EYS: variants seen among roughly 807,000 people sequenced by gnomAD.
The protein encoded by EYS is EGF-like photoreceptor maintenance factor, also known as protein eyes shut homolog.
EYS carries 250 observed loss-of-function variants against 282.1 expected under a neutral mutation model. The observed-to-expected ratio is 0.89, with a 90% CI of 0.80 to 0.98. The LOEUF (loss-of-function observed/expected upper bound fraction) is 0.98. Among genes scored for constraint, EYS ranks in the 50% least tolerant of loss-of-function variants. The pLI, the probability that EYS is intolerant of heterozygous loss-of-function variation, is 0.00. For synonymous variants in EYS, 1,355 were observed against 1,282.9 expected (o/e 1.06, Z -1.20); for missense variants, 4,016 against 3,709.0 (o/e 1.08, Z -2.15).
At chr6:63,968,957 A>G (rs1473104535) in intron 35 of EYS, among the ~76,000 whole-genome samples, 1 of 152,230 alleles carries the variant, frequency 6.6e-6, no homozygotes, top group Non-Finnish European at 1.5e-5. Flanking sequence ...GTTATATAGA[A>G]GTAATATGTA....
At chr6:63,751,618 TAACTAGGTACACACCTAGTTAC>T in intron 41 of EYS, among the ~76,000 whole-genome samples, 3 of 152,218 alleles carry the variant, frequency 2.0e-5, no homozygotes, top group African/African-American at 7.2e-5. Flanking sequence ...AATTTTAAAT[TAACTAGGTACACACCTAGTTAC>T]TGTAGCAAAA....
At chr6:63,770,334 T>C (rs772883764) in intron 40 of EYS, among the ~76,000 whole-genome samples, 9 of 152,062 alleles carry the variant, frequency 5.9e-5, no homozygotes, top group South Asian at 4.1e-4. Flanking sequence ...CTTATGTATA[T>C]GTTGAGGCTG....
chr6:65,543,903 G>C (rs1279150473), intron 2 of EYS, among the ~76,000 whole-genome samples: 2 of 152,150 alleles, frequency 1.3e-5, no homozygotes, highest in African/African-American at 4.8e-5. Flanking sequence ...AAGGGTATGA[G>C]GGAGCATAGT....
intron 12 of EYS, among the ~76,000 whole-genome samples, chr6:65,069,216 T>A (rs1256758220): frequency 6.6e-6 from 1 of 152,062 alleles, no homozygotes. Context: ...CTGTCTTCTT[T>A]GATCGGCATT....
At chr6:65,147,287 T>C (rs893264995) in intron 12 of EYS, among the ~76,000 whole-genome samples, 1 of 152,000 alleles carries the variant, frequency 6.6e-6, no homozygotes, top group African/African-American at 2.4e-5. Context: ...TGATTAAATA[T>C]GCACACACAT....
intron 12 of EYS, among the ~76,000 whole-genome samples, chr6:65,223,804 T>A (rs1269630973): frequency 6.6e-6 from 1 of 152,156 alleles, no homozygotes; most frequent in African/African-American, 2.4e-5. Context: ...ATTGGCAGGC[T>A]GCTTTTCAGG....
chr6:65,446,628 G>C (rs1251901156), intron 5 of EYS, among the ~76,000 whole-genome samples: 1 of 151,770 alleles, frequency 6.6e-6, no homozygotes, highest in African/African-American at 2.4e-5. Flanking sequence ...AGCTGAAAAA[G>C]CCAGAGGGAA....
At chr6:64,415,247 T>C (rs1333999208) in intron 28 of EYS, among the ~76,000 whole-genome samples, 2 of 152,218 alleles carry the variant, frequency 1.3e-5, no homozygotes, top group Non-Finnish European at 2.9e-5. Context: ...CAGGTGTTTT[T>C]CATGTAACTA....
chr6:64,531,981 G>T (rs1764357488), intron 26 of EYS, among the ~76,000 whole-genome samples: 2 of 152,070 alleles, frequency 1.3e-5, no homozygotes, highest in African/African-American at 2.4e-5. Flanking sequence ...TCTCAAATAG[G>T]TGGACATAAA....
Position 64,590,460 on chromosome 6 carries a change from A to G in EYS, c.5407T>C (p.Ser1803Pro). The G allele has an allele frequency of 6.4e-7, 1 of 1,551,422 alleles. No homozygotes were observed. Among genetic ancestry groups the G allele is most frequent in the Non-Finnish European group, 8.7e-7 (1 of 1,146,796 alleles). Residue 1803 changes from serine (S) to proline (P), a missense_variant, in exon 26 of 43, where the codon TCA becomes CCA. Transcript: ENST00000503581. Reference protein sequence around the residue: ...FYTVSATPALSIQTSSSMSVI... With the variant: ...FYTVSATPALPIQTSSSMSVI... ...GACATGGAGGAAGACGTCTGTATTGAAAGTGCTGGAGTTGCTGAAACTGTA... is the reference window on the plus strand; with the variant it reads ...GACATGGAGGAAGACGTCTGTATTGGAAGTGCTGGAGTTGCTGAAACTGTA...
At chr6:63,754,812 T>C (rs1487128347) in intron 41 of EYS, among the ~76,000 whole-genome samples, 1 of 152,200 alleles carries the variant, frequency 6.6e-6, no homozygotes, top group Non-Finnish European at 1.5e-5. Flanking sequence ...CCACCAACAG[T>C]GTAAAGGCAT....
chr6:64,911,086 A>C (rs544515001), intron 16 of EYS, among the ~76,000 whole-genome samples: 4 of 152,174 alleles, frequency 2.6e-5, no homozygotes, highest in South Asian at 4.1e-4. Flanking sequence ...ACGTAGTAGA[A>C]TGTTTAGAAT....
chr6:64,695,337 C>T (rs1770535891), intron 22 of EYS, among the ~76,000 whole-genome samples: 1 of 152,110 alleles, frequency 6.6e-6, no homozygotes, highest in Non-Finnish European at 1.5e-5. Flanking sequence ...ACAACATCTG[C>T]TGATACCAAT....
chr6:64,682,294 G>A (rs1769929771), intron 22 of EYS, among the ~76,000 whole-genome samples: 2 of 152,100 alleles, frequency 1.3e-5, no homozygotes, highest in South Asian at 4.1e-4. Context: ...CGTGAACCTG[G>A]GAGGTGGAGT....
At chr6:64,453,988 C>A (rs1340516045) in intron 26 of EYS, among the ~76,000 whole-genome samples, 1 of 151,946 alleles carries the variant, frequency 6.6e-6, no homozygotes, top group East Asian at 1.9e-4. Context: ...GCACATGTAC[C>A]CTAAAACTTA....
intron 31 of EYS, among the ~76,000 whole-genome samples, chr6:64,149,340 T>C (rs1397282762): frequency 2.0e-5 from 3 of 152,200 alleles, no homozygotes; most frequent in African/African-American, 7.2e-5. Flanking sequence ...GCAGCTACAC[T>C]GCAAGTCCTC....
intron 22 of EYS, among the ~76,000 whole-genome samples, chr6:64,727,033 G>A (rs1355858181): frequency 2.0e-5 from 3 of 152,090 alleles, no homozygotes; most frequent in Non-Finnish European, 4.4e-5. Context: ...CAAAGTGATG[G>A]GTGGCATACT....
intron 29 of EYS, among the ~76,000 whole-genome samples, chr6:64,386,065 G>A (rs2150423052): frequency 6.6e-6 from 1 of 152,170 alleles, no homozygotes; most frequent in African/African-American, 2.4e-5. Flanking sequence ...GACTCCCACA[G>A]CCATATGTTA....
At chr6:64,435,520 T>C (rs995790655) in intron 28 of EYS, among the ~76,000 whole-genome samples, 3 of 151,424 alleles carry the variant, frequency 2.0e-5, no homozygotes, top group African/African-American at 7.3e-5. Context: ...AATAATTTAA[T>C]CTACATACCA....
Sources: gnomAD v4.1 joint callset for allele counts (sites outside exome capture counted in the v4.1 genomes callset) on GRCh38, gnomAD v4.1.1 for gene constraint, MANE v1.5 for transcripts, NCBI Gene and HGNC (gene_info 2026-07-23, HGNC 2026-07-21) for gene names.